Variants in CMSS1 observed in about 807,000 individuals in gnomAD.
The protein encoded by CMSS1 is protein CMSS1.
Under a neutral mutation model 43.5 loss-of-function variants are expected in CMSS1, and 33 were observed. The ratio of observed to expected loss-of-function variants is 0.76; its 90% CI spans 0.57 to 1.01. The LOEUF is 1.01. Ranked by LOEUF, CMSS1 falls within the 50% of genes least tolerant of loss-of-function variation. The pLI is 0.00. For synonymous variants in CMSS1, 115 were observed against 117.2 expected, an observed-to-expected ratio of 0.98 and a Z score of 0.12; for missense variants, 313 against 326.4, an observed-to-expected ratio of 0.96 and a Z score of 0.32.
chr3:99,994,422 C>G (rs1709613051), intron 1 of CMSS1, among the ~76,000 whole-genome samples: 1 of 152,168 alleles, frequency 6.6e-6, no homozygotes, highest in South Asian at 2.1e-4. Flanking sequence ...TTACCAGTAA[C>G]TACAGAACAT....
At chr3:100,092,636 A>G (rs1210124219) in intron 1 of CMSS1, among the ~76,000 whole-genome samples, 1 of 148,660 alleles carries the variant, frequency 6.7e-6, no homozygotes. Flanking sequence ...TTAAGCTCCT[A>G]GAATAACGCC....
At chr3:100,031,507 G>A (rs543851480) in intron 1 of CMSS1, among the ~76,000 whole-genome samples, 14 of 152,186 alleles carry the variant, frequency 9.2e-5, no homozygotes, top group South Asian at 6.2e-4. Flanking sequence ...AATTCAGAGC[G>A]CAACAAGGAA....
chr3:99,901,895 TAG>T (rs1706450051), intron 1 of CMSS1, among the ~76,000 whole-genome samples: 1 of 152,110 alleles, frequency 6.6e-6, no homozygotes, highest in South Asian at 2.1e-4. Flanking sequence ...TTGTCCCTAG[TAG>T]AGCTCAGCAT....
At chr3:99,924,500 G>T in intron 1 of CMSS1, 1 of 1,303,978 alleles carries the variant, frequency 7.7e-7, no homozygotes, top group Admixed American at 2.2e-5. Flanking sequence ...TGATTAATTC[G>T]GCAGTGGGTT....
At chr3:99,882,720 CACAA>C (rs927012455) in intron 1 of CMSS1, among the ~76,000 whole-genome samples, 4 of 152,248 alleles carry the variant, frequency 2.6e-5, no homozygotes, top group African/African-American at 9.6e-5. Flanking sequence ...GAAAAAATGG[CACAA>C]ACAGTGTGAT....
At chr3:99,952,403 A>G (rs755740992) in intron 1 of CMSS1, among the ~76,000 whole-genome samples, 10 of 152,184 alleles carry the variant, frequency 6.6e-5, no homozygotes, top group Non-Finnish European at 1.0e-4. Context: ...CAAGTTGAGG[A>G]AACAGAATAA....
At chr3:99,838,690 T>A (rs1942997498) in intron 1 of CMSS1, among the ~76,000 whole-genome samples, 1 of 152,154 alleles carries the variant, frequency 6.6e-6, no homozygotes, top group Non-Finnish European at 1.5e-5. Context: ...TCAGACCTGT[T>A]TTCACTCCTC....
intron 8 of CMSS1, among the ~76,000 whole-genome samples, chr3:100,172,694 A>C (rs2067120679): frequency 1.3e-5 from 2 of 152,188 alleles, no homozygotes; most frequent in African/African-American, 4.8e-5. Flanking sequence ...GTGTGCAGCC[A>C]CTGCTTGAGT....
rs1487263369 is a variant in CMSS1 at position 99,991,975 on chromosome 3, C to CACACAT, written c.65-154997_65-154996insCACATA. Among the ~76,000 whole-genome samples the CACACAT allele has an allele frequency of 2.3e-4, 34 of 146,508 alleles. No individual in the cohort carries two copies. In the South Asian group the frequency reaches 2.8e-3, roughly 12 times the overall value. ...GTATATATGTGTGTATATATACACA[C>CACACAT]ATATATGTGTATATATACGTATATA... On this transcript the variant is annotated intron_variant, in intron 1 of 9. Coordinates refer to ENST00000421999, the MANE Select transcript of CMSS1 (RefSeq NM_032359.4).
At chr3:100,027,895 A>T (rs962280125) in intron 1 of CMSS1, among the ~76,000 whole-genome samples, 4 of 152,166 alleles carry the variant, frequency 2.6e-5, no homozygotes, top group Non-Finnish European at 5.9e-5. Flanking sequence ...AGTGAGAGGG[A>T]AAGTGGTCAG....
intron 1 of CMSS1, among the ~76,000 whole-genome samples, chr3:100,096,504 C>A (rs182325918): frequency 1.1e-4 from 17 of 152,034 alleles, no homozygotes; most frequent in African/African-American, 3.9e-4. Context: ...TGAAATAAGC[C>A]ACGCACAAAA....
At chr3:100,177,653 T>C (rs1423797476) in intron 9 of CMSS1, among the ~76,000 whole-genome samples, 1 of 152,218 alleles carries the variant, frequency 6.6e-6, no homozygotes, top group Non-Finnish European at 1.5e-5. Flanking sequence ...ATGAAACTAA[T>C]GTTTTATATA....
Position 99,916,208 on chromosome 3 carries a change from T to G in CMSS1, c.64+98165T>G, listed in dbSNP as rs190002695. Among the ~76,000 whole-genome samples, 17 of 152,280 alleles carry G rather than the reference T, an allele frequency of 1.1e-4. No individual in the cohort carries two copies. In the East Asian group the frequency reaches 3.3e-3, roughly 29 times the overall value. ...AATGGAACAGAAAGCTGAAGGCAGGTTGAATTAACTGCCTGGGTTAATTGC... is the reference window on the plus strand; with the variant it reads ...AATGGAACAGAAAGCTGAAGGCAGGGTGAATTAACTGCCTGGGTTAATTGC... On this transcript the variant is annotated intron_variant, in intron 1 of 9. Coordinates refer to ENST00000421999, the MANE Select transcript of CMSS1 (RefSeq NM_032359.4).
rs114774265 is a variant in CMSS1 at position 99,961,949 on chromosome 3, C to T, written c.64+143906C>T. ...TGTGATTCCTGCCCTTCAGGAACTT[C>T]TGATCTATTAATAGCAGAGTGGCAA... On this transcript the variant is annotated intron_variant, in intron 1 of 9. Transcript: ENST00000421999. Among the ~76,000 whole-genome samples, 1,209 of 152,310 alleles carry T rather than the reference C, an allele frequency of 7.9e-3. 10 individuals are homozygous for T. The highest frequency in any genetic ancestry group is 0.014 in the Non-Finnish European group (927 of 68,028).
intron 1 of CMSS1, chr3:99,924,081 T>A: frequency 1.4e-6 from 1 of 711,696 alleles, no homozygotes. Context: ...ACTGATAATG[T>A]CTTCAAACAT....
chr3:99,846,606 C>T (rs1001128873), intron 1 of CMSS1, among the ~76,000 whole-genome samples: 1 of 152,214 alleles, frequency 6.6e-6, no homozygotes. Context: ...CATTCATCAG[C>T]AGCCTCAGCT....
chr3:99,849,914 A>C (rs1943577921), intron 1 of CMSS1: 1 of 1,611,504 alleles, frequency 6.2e-7, no homozygotes, highest in African/African-American at 1.3e-5. Context: ...CTATTTTTCA[A>C]CATATTAACT....
At chr3:100,035,836 A>G (rs2065098218) in intron 1 of CMSS1, among the ~76,000 whole-genome samples, 1 of 152,206 alleles carries the variant, frequency 6.6e-6, no homozygotes, top group Admixed American at 6.5e-5. Context: ...TTACATCTTT[A>G]TTCCTTTCCC....
intron 1 of CMSS1, among the ~76,000 whole-genome samples, chr3:100,017,886 G>T (rs1710391359): frequency 6.6e-6 from 1 of 152,096 alleles, no homozygotes; most frequent in African/African-American, 2.4e-5. Context: ...TAACTACATC[G>T]CCAGTTTTCC....
Sources: gnomAD v4.1 joint callset for allele counts (sites outside exome capture counted in the v4.1 genomes callset) on GRCh38, gnomAD v4.1.1 for gene constraint, MANE v1.5 for transcripts, NCBI Gene and HGNC (gene_info 2026-07-23, HGNC 2026-07-21) for gene names.